The following GPD1L variants were observed in gnomAD, a reference collection of about 807,000 sequenced individuals.
The protein encoded by GPD1L is glycerol-3-phosphate dehydrogenase 1 like, also known as glycerol-3-phosphate dehydrogenase 1-like protein.
In GPD1L, 17 loss-of-function variants were observed where a neutral mutation model predicts 32.9. The ratio of observed to expected loss-of-function variants is 0.52; its 90% CI spans 0.35 to 0.78. The LOEUF (loss-of-function observed/expected upper bound fraction) is 0.78. Among genes scored for constraint, GPD1L ranks in the 30% least tolerant of loss-of-function variants. GPD1L has a pLI of 0.01. For synonymous variants in GPD1L, 187 were observed against 165.9 expected (o/e 1.13, Z -0.98); for missense variants, 361 against 447.8 (o/e 0.81, Z 1.75).
rs1311823782 is a variant in GPD1L at position 32,129,864 on chromosome 3, G to T, written c.225+1611G>T. On this transcript the variant is annotated intron_variant, in intron 2 of 7. Coordinates refer to ENST00000282541, the MANE Select transcript of GPD1L (RefSeq NM_015141.4). Reference sequence around the variant, plus strand: ...TTCTTGGGGCAGATCATTCTTTTGAGCTTCACTTTTCTCATTTTTATCAGA... The same window carrying T: ...TTCTTGGGGCAGATCATTCTTTTGATCTTCACTTTTCTCATTTTTATCAGA... Among the ~76,000 whole-genome samples the T allele has an allele frequency of 2.6e-5, 4 of 152,134 alleles. No homozygotes were observed. The East Asian group carries it at 7.7e-4, about 29-fold the overall frequency.
chr3:32,136,657 A>G (rs895540034), intron 2 of GPD1L, among the ~76,000 whole-genome samples: 5 of 152,216 alleles, frequency 3.3e-5, no homozygotes, highest in Non-Finnish European at 7.3e-5. Context: ...AGGCTAAGAT[A>G]CTGCAAAAGA....
chr3:32,130,304 G>A (rs1368673316), intron 2 of GPD1L, among the ~76,000 whole-genome samples: 1 of 152,078 alleles, frequency 6.6e-6, no homozygotes, highest in East Asian at 1.9e-4. Flanking sequence ...TATTCTTCCT[G>A]TTTAAGTGAA....
At chr3:32,147,977 G>A (rs1700857396) in intron 5 of GPD1L, among the ~76,000 whole-genome samples, 1 of 152,256 alleles carries the variant, frequency 6.6e-6, no homozygotes, top group South Asian at 2.1e-4. Flanking sequence ...CTAAGCGCCT[G>A]TGTGGGGCAT....
rs546424875 is a variant in GPD1L at position 32,159,479 on chromosome 3, A to G, written c.853-89A>G. On this transcript the variant is annotated intron_variant, in intron 6 of 7. Coordinates refer to ENST00000282541, the MANE Select transcript of GPD1L (RefSeq NM_015141.4). ...GACCCATTCTCTAAAAAAAAAAAAA[A>G]AGAAAAAAAACACTTAAAAATTAAA... The G allele has an allele frequency of 0.047, 34,663 of 733,472 alleles. 399 individuals are homozygous for G. The highest frequency in any genetic ancestry group is 0.13 in the African/African-American group (7,044 of 53,394). The allele number at this position is 733,472 out of a possible 1,614,324, so 45.4% of individuals were successfully genotyped here. A position where few individuals can be genotyped will look rare whatever the true frequency, so the allele number is the denominator to read the frequency against.
At chr3:32,165,453 A>G (rs978937356) in intron 7 of GPD1L, among the ~76,000 whole-genome samples, 1 of 152,148 alleles carries the variant, frequency 6.6e-6, no homozygotes, top group Non-Finnish European at 1.5e-5. Flanking sequence ...TTAAAAATTT[A>G]TTTTTACAAC....
At position 32,134,167 on chromosome 3, in the gene GPD1L, G is replaced by C. The variant is rs75419655; in HGVS notation, c.226-4420G>C. Among the ~76,000 whole-genome samples, 3,613 of 152,278 alleles carry C rather than the reference G, an allele frequency of 0.024. 299 individuals carry two copies. In the East Asian group the frequency reaches 0.25, roughly 11 times the overall value. The stretch of plus-strand genomic sequence containing the variant: ...CTGATTATTTTCAGAGCAGAAAATC[G>C]GGTAGGGGCTTAGCAAAAGGTTTTA... On this transcript the variant is annotated intron_variant, in intron 2 of 7. Transcript: ENST00000282541.
At chr3:32,144,453 A>G (rs1444456042) in intron 4 of GPD1L, among the ~76,000 whole-genome samples, 1 of 152,244 alleles carries the variant, frequency 6.6e-6, no homozygotes, top group Non-Finnish European at 1.5e-5. Flanking sequence ...GGAACTTGTA[A>G]GCACACAAAC....
At chr3:32,115,563 T>C (rs1037028076) in intron 1 of GPD1L, among the ~76,000 whole-genome samples, 1 of 152,076 alleles carries the variant, frequency 6.6e-6, no homozygotes, top group Admixed American at 6.6e-5. Context: ...GTGGTTTGCA[T>C]GGGTTATAGG....
chr3:32,131,385 C>T (rs959771193), intron 2 of GPD1L, among the ~76,000 whole-genome samples: 2 of 152,230 alleles, frequency 1.3e-5, no homozygotes, highest in Non-Finnish European at 2.9e-5. Flanking sequence ...AACTTGTACC[C>T]TTTCATAGTC....
chr3:32,112,069 C>G (rs1457222613), intron 1 of GPD1L, among the ~76,000 whole-genome samples: 1 of 152,174 alleles, frequency 6.6e-6, no homozygotes, highest in Non-Finnish European at 1.5e-5. Flanking sequence ...TGGAGATGAA[C>G]TGGGAAGAGA....
chr3:32,141,976 T>C (rs144115279), intron 4 of GPD1L, among the ~76,000 whole-genome samples: 2,744 of 152,222 alleles, frequency 0.018, 38 homozygotes, highest in Non-Finnish European at 0.026. Context: ...CCCCAGTATC[T>C]GTTGTTGCTA....
At chr3:32,125,382 G>A (rs1033491999) in intron 1 of GPD1L, among the ~76,000 whole-genome samples, 1 of 152,214 alleles carries the variant, frequency 6.6e-6, no homozygotes, top group Non-Finnish European at 1.5e-5. Flanking sequence ...GCTCACTCAT[G>A]TGTCTGCAGT....
intron 4 of GPD1L, among the ~76,000 whole-genome samples, chr3:32,142,507 C>T (rs1352984783): frequency 6.6e-6 from 1 of 152,168 alleles, no homozygotes; most frequent in Non-Finnish European, 1.5e-5. Flanking sequence ...CTAGTATGTA[C>T]ATATATGAAT....
chr3:32,117,292 C>T (rs1447288580), intron 1 of GPD1L, among the ~76,000 whole-genome samples: 1 of 152,092 alleles, frequency 6.6e-6, no homozygotes, highest in Non-Finnish European at 1.5e-5. Context: ...TTGGTGGAAG[C>T]CAGAACAATA....
chr3:32,131,566 T>C (rs972623653), intron 2 of GPD1L, among the ~76,000 whole-genome samples: 5 of 152,218 alleles, frequency 3.3e-5, no homozygotes, highest in African/African-American at 1.2e-4. Flanking sequence ...CCATCCATGT[T>C]GTAGCATGTA....
intron 1 of GPD1L, among the ~76,000 whole-genome samples, chr3:32,127,395 C>T (rs1559572789): frequency 6.6e-6 from 1 of 152,228 alleles, no homozygotes; most frequent in Non-Finnish European, 1.5e-5. Context: ...GGTCCAACCT[C>T]CTCTGCTGCG....
At chr3:32,135,467 T>C (rs1700649547) in intron 2 of GPD1L, among the ~76,000 whole-genome samples, 1 of 152,016 alleles carries the variant, frequency 6.6e-6, no homozygotes, top group African/African-American at 2.4e-5. Context: ...GTTTTGTTTT[T>C]TTTGAGACAG....
At chr3:32,142,017 C>T (rs1208046855) in intron 4 of GPD1L, among the ~76,000 whole-genome samples, 1 of 152,136 alleles carries the variant, frequency 6.6e-6, no homozygotes, top group Non-Finnish European at 1.5e-5. Context: ...CAATGTTTAG[C>T]CCTCACTTGT....
In GPD1L at chr3:32,167,121, T is replaced by TAA. The variant is rs1701158949; in HGVS notation, c.*1212_*1213dup. 6.6e-6 allele frequency: 1 copy of TAA among 152,202 alleles called. No individual in the cohort carries two copies. The highest frequency in any genetic ancestry group is 1.5e-5 in the Non-Finnish European group (1 of 68,038). The allele number at this position is 152,202 out of a possible 1,614,324, so 9.4% of individuals were successfully genotyped here. ...AACCACTACTTTAGAAAATCTGCTTTAACTTGGTATTCCTCTAATTGTGTT... is the reference window on the plus strand; with the variant it reads ...AACCACTACTTTAGAAAATCTGCTTTAAAACTTGGTATTCCTCTAATTGTGTT... On this transcript the variant is annotated 3_prime_UTR_variant, in exon 8 of 8. Coordinates refer to ENST00000282541, the MANE Select transcript of GPD1L (RefSeq NM_015141.4).
Sources: gnomAD v4.1 joint callset for allele counts (sites outside exome capture counted in the v4.1 genomes callset) on GRCh38, gnomAD v4.1.1 for gene constraint, MANE v1.5 for transcripts, NCBI Gene and HGNC (gene_info 2026-07-23, HGNC 2026-07-21) for gene names.